PDZRN4: variants seen among roughly 807,000 people sequenced by gnomAD.
The protein encoded by PDZRN4 is PDZ domain containing ring finger 4.
Under a neutral mutation model 99.0 loss-of-function variants are expected in PDZRN4, and 70 were observed. The observed-to-expected ratio is 0.71, with a 90% CI of 0.58 to 0.86. PDZRN4 has a LOEUF of 0.86. Among genes scored for constraint, PDZRN4 ranks in the 40% least tolerant of loss-of-function variants. PDZRN4 has a pLI of 0.00. For synonymous variants in PDZRN4, 551 were observed against 501.6 expected (o/e 1.10, Z -1.32); for missense variants, 1,474 against 1,331.2 (o/e 1.11, Z -1.67).
intron 3 of PDZRN4, among the ~76,000 whole-genome samples, chr12:41,264,590 T>C (rs1021025520): frequency 1.3e-5 from 2 of 152,204 alleles, no homozygotes; most frequent in Non-Finnish European, 2.9e-5. Flanking sequence ...TTCTGTTTTT[T>C]CATTAGTGTT....
At chr12:41,474,160 G>T in intron 3 of PDZRN4, among the ~76,000 whole-genome samples, 1 of 152,132 alleles carries the variant, frequency 6.6e-6, no homozygotes. Flanking sequence ...CTCAATGTTA[G>T]GCTGAGGTCT....
intron 3 of PDZRN4, among the ~76,000 whole-genome samples, chr12:41,415,451 G>C (rs1426393767): frequency 6.6e-6 from 1 of 151,230 alleles, no homozygotes; most frequent in Admixed American, 6.6e-5. Flanking sequence ...TTTCCTCCTA[G>C]AGTATAGCAG....
chr12:41,217,562 A>G (rs1950929601), intron 3 of PDZRN4, among the ~76,000 whole-genome samples: 1 of 152,114 alleles, frequency 6.6e-6, no homozygotes, highest in South Asian at 2.1e-4. Context: ...TTTCCCCAGG[A>G]CATTCCCATT....
chr12:41,336,903 C>G (rs1311062834), intron 3 of PDZRN4, among the ~76,000 whole-genome samples: 3 of 151,846 alleles, frequency 2.0e-5, no homozygotes, highest in Non-Finnish European at 4.4e-5. Context: ...CAAAATATCT[C>G]AAGCACTGAT....
At chr12:41,192,423 A>G (rs948154365) in intron 2 of PDZRN4, among the ~76,000 whole-genome samples, 12 of 152,372 alleles carry the variant, frequency 7.9e-5, no homozygotes, top group African/African-American at 2.9e-4. Flanking sequence ...AAAACAAAAA[A>G]CAACAGCTAG....
chr12:41,374,237 A>G (rs1952063734), intron 3 of PDZRN4, among the ~76,000 whole-genome samples: 1 of 152,178 alleles, frequency 6.6e-6, no homozygotes, highest in African/African-American at 2.4e-5. Context: ...ATGTTAGTAC[A>G]TACATGATGT....
chr12:41,441,453 C>G (rs573637298), intron 3 of PDZRN4, among the ~76,000 whole-genome samples: 1 of 152,246 alleles, frequency 6.6e-6, no homozygotes, highest in East Asian at 1.9e-4. Flanking sequence ...TAAACTGAAA[C>G]AGAACCTGCA....
At chr12:41,319,974 G>C (rs770797763) in intron 3 of PDZRN4, among the ~76,000 whole-genome samples, 2 of 152,102 alleles carry the variant, frequency 1.3e-5, no homozygotes, top group African/African-American at 4.8e-5. Context: ...TCCCAGCAGC[G>C]GCAGCTGTGC....
intron 3 of PDZRN4, among the ~76,000 whole-genome samples, chr12:41,503,118 G>C (rs928999552): frequency 2.0e-5 from 3 of 151,800 alleles, no homozygotes; most frequent in Non-Finnish European, 2.9e-5. Flanking sequence ...AACTTCAAGT[G>C]AAGTGAAAAA....
intron 3 of PDZRN4, among the ~76,000 whole-genome samples, chr12:41,493,857 C>A (rs948827688): frequency 4.0e-5 from 6 of 150,200 alleles, no homozygotes; most frequent in Non-Finnish European, 7.4e-5. Flanking sequence ...ACTAAGTCAC[C>A]TCCTTTCTGA....
intron 3 of PDZRN4, among the ~76,000 whole-genome samples, chr12:41,381,423 T>C (rs1952125411): frequency 6.6e-6 from 1 of 152,064 alleles, no homozygotes; most frequent in Admixed American, 6.5e-5. Context: ...CACTTCTTTT[T>C]GTTATTCTTT....
At chr12:41,381,838 C>G (rs1018480231) in intron 3 of PDZRN4, among the ~76,000 whole-genome samples, 27 of 152,312 alleles carry the variant, frequency 1.8e-4, no homozygotes, top group African/African-American at 6.0e-4. Flanking sequence ...ATGGCCACCT[C>G]TTCCAGCCCT....
At chr12:41,232,442 T>A (rs1165910442) in intron 3 of PDZRN4, among the ~76,000 whole-genome samples, 1 of 152,102 alleles carries the variant, frequency 6.6e-6, no homozygotes, top group Non-Finnish European at 1.5e-5. Flanking sequence ...ATCGGCTGCA[T>A]CCTCAAGGCC....
chr12:41,499,358 G>C (rs1168387081), intron 3 of PDZRN4, among the ~76,000 whole-genome samples: 1 of 152,058 alleles, frequency 6.6e-6, no homozygotes, highest in Admixed American at 6.6e-5. Flanking sequence ...ATTAAGGTGA[G>C]GGGAAATAAA....
intron 3 of PDZRN4, among the ~76,000 whole-genome samples, chr12:41,447,752 A>C (rs1205994949): frequency 1.3e-5 from 2 of 152,088 alleles, no homozygotes; most frequent in East Asian, 3.9e-4. Context: ...CTGGAGTTCA[A>C]ACCAGGGTCT....
chr12:41,390,276 C>A (rs1952200555), intron 3 of PDZRN4, among the ~76,000 whole-genome samples: 1 of 152,032 alleles, frequency 6.6e-6, no homozygotes, highest in Admixed American at 6.6e-5. Context: ...GTATAAAAAA[C>A]AACTTTTTAT....
rs71081721 is a variant in PDZRN4 at position 41,286,336 on chromosome 12, CTTTTTT to C, written c.843+92166_843+92171del. On this transcript the variant is annotated intron_variant, in intron 3 of 9. Transcript: ENST00000402685. ...TTTACAGATCATTTTCCTTCTTCTT[CTTTTTT>C]TTTTTTTTTTTTTTTTTGTTGTTGT... Among the ~76,000 whole-genome samples the C allele has an allele frequency of 1.8e-3, 192 of 106,294 alleles. 1 individual carries two copies. Among genetic ancestry groups the C allele is most frequent in the African/African-American group, 6.6e-3 (182 of 27,372 alleles). The allele number at this position is 106,294 out of a possible 152,430, so 69.7% of individuals were successfully genotyped here. A position where few individuals can be genotyped will look rare whatever the true frequency, so the allele number is the denominator to read the frequency against.
intron 3 of PDZRN4, among the ~76,000 whole-genome samples, chr12:41,380,621 T>C (rs1952117803): frequency 1.3e-5 from 2 of 152,194 alleles, no homozygotes; most frequent in South Asian, 4.1e-4. Context: ...TAGTTTTACT[T>C]ATTTCCCCCT....
intron 3 of PDZRN4, among the ~76,000 whole-genome samples, chr12:41,278,571 C>G (rs1166912624): frequency 6.6e-6 from 1 of 152,188 alleles, no homozygotes; most frequent in Non-Finnish European, 1.5e-5. Context: ...TATTTCTGTG[C>G]TTCTGATGAA....
Sources: allele counts gnomAD v4.1 joint callset (sites outside exome capture counted in the v4.1 genomes callset), GRCh38; gene constraint gnomAD v4.1.1; transcripts MANE v1.5; gene names NCBI Gene and HGNC (gene_info 2026-07-23, HGNC 2026-07-21).